KIF16B: variants seen among roughly 807,000 people sequenced by gnomAD.
KIF16B encodes kinesin-like protein KIF16B.
A neutral mutation model predicts 156.3 loss-of-function variants in KIF16B; 98 were observed. The ratio of observed to expected loss-of-function variants is 0.63; its 90% CI spans 0.53 to 0.74. KIF16B has a LOEUF of 0.74. Ranked by LOEUF, KIF16B falls within the 30% of genes least tolerant of loss-of-function variation. The pLI, the probability that KIF16B is intolerant of heterozygous loss-of-function variation, is 0.00. For synonymous variants in KIF16B, 564 were observed against 583.7 expected (o/e 0.97, Z 0.49); for missense variants, 1,421 against 1,606.5 (o/e 0.88, Z 1.97).
chr20:16,464,598 A>C (rs1338279480), intron 12 of KIF16B, among the ~76,000 whole-genome samples: 1 of 152,190 alleles, frequency 6.6e-6, no homozygotes, highest in East Asian at 1.9e-4. Flanking sequence ...TAAACAGTCA[A>C]GGCGGTACAC....
intron 24 of KIF16B, among the ~76,000 whole-genome samples, chr20:16,323,273 C>T (rs752805387): frequency 6.6e-6 from 1 of 151,954 alleles, no homozygotes; most frequent in Non-Finnish European, 1.5e-5. Context: ...TCTGCTATAA[C>T]CTGTCTTTTG....
rs754091169 is a variant in KIF16B at position 16,473,702 on chromosome 20, G to A, written c.1302+20589C>T. On this transcript the variant is annotated intron_variant, in intron 12 of 25. Transcript: ENST00000354981. ...GATTCTCCCAACTATGATATGACAA[G>A]GTAGGATAAGATCAGCTCTAAGACT... Among the ~76,000 whole-genome samples, 3 of 152,120 alleles carry A rather than the reference G, an allele frequency of 2.0e-5. No individual in the cohort carries two copies. The South Asian group carries it at 6.2e-4, about 32-fold the overall frequency.
intron 12 of KIF16B, among the ~76,000 whole-genome samples, chr20:16,467,825 T>G (rs1463060086): frequency 1.3e-5 from 2 of 152,080 alleles, no homozygotes; most frequent in African/African-American, 4.8e-5. Flanking sequence ...AAGATAAAAT[T>G]TTAAAGTTTA....
intron 10 of KIF16B, among the ~76,000 whole-genome samples, chr20:16,502,928 T>C (rs954400449): frequency 2.0e-5 from 3 of 152,166 alleles, no homozygotes; most frequent in African/African-American, 4.8e-5. Context: ...CTGAGAAAGA[T>C]GCCAGGCTGG....
chr20:16,296,701 A>C (rs766112318), intron 25 of KIF16B, among the ~76,000 whole-genome samples: 8 of 152,220 alleles, frequency 5.3e-5, no homozygotes, highest in Non-Finnish European at 8.8e-5. Flanking sequence ...AGCTCAACAA[A>C]TGGAAAAATT....
chr20:16,358,972 G>C (rs1018791591), intron 22 of KIF16B, among the ~76,000 whole-genome samples: 1 of 152,182 alleles, frequency 6.6e-6, no homozygotes, highest in Non-Finnish European at 1.5e-5. Context: ...CTTTTACAAA[G>C]TATTTGTAAT....
In KIF16B at chr20:16,273,101, A is replaced by C; in HGVS notation, c.*152T>G. ...CCATCCCCAAACTCAGGCACTAGGT[A>C]TGGAAACGTGAGGTGGCCCGGGCCC... is the stretch of plus-strand genomic sequence containing the variant. On this transcript the variant is annotated 3_prime_UTR_variant, in exon 26 of 26. Coordinates refer to ENST00000354981, the MANE Select transcript of KIF16B (RefSeq NM_024704.5). The C allele has an allele frequency of 1.5e-6, 1 of 665,108 alleles. No individual in the cohort carries two copies. Among genetic ancestry groups the C allele is most frequent in the Non-Finnish European group, 2.7e-6 (1 of 373,598 alleles). 41.2% of individuals were successfully genotyped at this position (665,108 alleles called of 1,614,324 possible).
intron 1 of KIF16B, among the ~76,000 whole-genome samples, chr20:16,535,987 G>A (rs1028541457): frequency 6.6e-6 from 1 of 152,112 alleles, no homozygotes; most frequent in Non-Finnish European, 1.5e-5. Context: ...TGACTACTGG[G>A]TATTTATCCA....
At chr20:16,392,899 A>T (rs2065403336) in intron 17 of KIF16B, among the ~76,000 whole-genome samples, 1 of 152,242 alleles carries the variant, frequency 6.6e-6, no homozygotes, top group African/African-American at 2.4e-5. Flanking sequence ...AAGCAGACCA[A>T]GATTTATATA....
chr20:16,368,519 G>A (rs1049918429), intron 22 of KIF16B: 1 of 986,008 alleles, frequency 1.0e-6, no homozygotes, highest in African/African-American at 1.7e-5. Context: ...AGCCTGGCTT[G>A]GCTGATCACC....
At chr20:16,479,182 G>C (rs1384783775) in intron 12 of KIF16B, among the ~76,000 whole-genome samples, 1 of 152,158 alleles carries the variant, frequency 6.6e-6, no homozygotes. Flanking sequence ...GCCATAAAAA[G>C]GAGCAACATC....
chr20:16,506,310 T>A, intron 7 of KIF16B, 120 bp from the exon 8 acceptor site: 4 of 817,188 alleles, frequency 4.9e-6, no homozygotes, highest in Non-Finnish European at 7.7e-6. Context: ...TATTTTTCAA[T>A]TTTATTGTTT....
intron 1 of KIF16B, among the ~76,000 whole-genome samples, chr20:16,537,700 T>G (rs1025255751): frequency 7.1e-6 from 1 of 140,510 alleles, no homozygotes; most frequent in African/African-American, 2.6e-5. Flanking sequence ...TTTTTCTTTT[T>G]TTCGTTTTTT....
chr20:16,559,791 A>T lies in KIF16B; in HGVS notation c.47+13438T>A, dbSNP rs1167460032. 5.6e-5 allele frequency among the ~76,000 whole-genome samples: 7 copies of T among 125,256 alleles called. No homozygotes were observed. The South Asian group carries it at 1.8e-3, about 32-fold the overall frequency. 82.2% of individuals were successfully genotyped at this position (125,256 alleles called of 152,430 possible). On this transcript the variant is annotated intron_variant, in intron 1 of 25. Transcript: ENST00000354981. ...AAAAAGACCTTGTCTCAAAAAAAAA[A>T]TGCTTTACATGATAATAAAATGAAT... is the stretch of plus-strand genomic sequence containing the variant.
At chr20:16,521,235 A>G (rs1385624300) in intron 3 of KIF16B, among the ~76,000 whole-genome samples, 1 of 152,098 alleles carries the variant, frequency 6.6e-6, no homozygotes, top group East Asian at 1.9e-4. Context: ...CTAAAGGAGT[A>G]TGTTCTAACC....
intron 12 of KIF16B, among the ~76,000 whole-genome samples, chr20:16,451,472 A>G (rs2067078803): frequency 6.6e-6 from 1 of 152,016 alleles, no homozygotes; most frequent in Non-Finnish European, 1.5e-5. Flanking sequence ...AGTAATTTGA[A>G]GACTTCTTTC....
chr20:16,367,572 T>A, intron 22 of KIF16B: 1 of 1,612,900 alleles, frequency 6.2e-7, no homozygotes. Context: ...CTTTCACTGT[T>A]GTGTAGAGCA....
chr20:16,408,137 C>T (rs2065833125), intron 15 of KIF16B, among the ~76,000 whole-genome samples: 2 of 152,046 alleles, frequency 1.3e-5, no homozygotes, highest in African/African-American at 4.8e-5. Context: ...TTGTTTTGGA[C>T]AACTCAAGGG....
At chr20:16,312,236 C>A in intron 25 of KIF16B, 99 bp downstream of exon 25, 1 of 807,100 alleles carries the variant, frequency 1.2e-6, no homozygotes, top group Non-Finnish European at 2.0e-6. Context: ...CATCTTCACA[C>A]TTGTGAAGAA....
Sources: gnomAD v4.1 joint callset for allele counts (sites outside exome capture counted in the v4.1 genomes callset) on GRCh38, gnomAD v4.1.1 for gene constraint, MANE v1.5 for transcripts, NCBI Gene and HGNC (gene_info 2026-07-23, HGNC 2026-07-21) for gene names.